The following SH3BGRL2 variants were observed in gnomAD, a reference collection of about 807,000 sequenced individuals.
The protein encoded by SH3BGRL2 is SH3 domain-binding glutamic acid-rich-like protein 2.
SH3BGRL2 carries 21 observed loss-of-function variants against 14.8 expected under a neutral mutation model. That is an observed-to-expected ratio of 1.42 (90% CI 1.01 to 2.05). SH3BGRL2 has a LOEUF of 2.05. Among genes scored for constraint, SH3BGRL2 ranks in the 30% most tolerant of loss-of-function variants. The pLI is 0.00. For missense variants in SH3BGRL2, 147 were observed against 130.8 expected, an observed-to-expected ratio of 1.12 and a Z score of -0.61; for synonymous variants, 50 against 47.8, an observed-to-expected ratio of 1.05 and a Z score of -0.19.
At chr6:79,661,410 G>C (rs754813206) in intron 1 of SH3BGRL2, among the ~76,000 whole-genome samples, 2 of 152,264 alleles carry the variant, frequency 1.3e-5, no homozygotes, top group Middle Eastern at 6.8e-3. Flanking sequence ...TTCAGTAGCA[G>C]GTTGTTCAGT....
At chr6:79,571,932 T>C in the SH3BGRL2 span, among the ~76,000 whole-genome samples, 1 of 152,178 alleles carries the variant, frequency 6.6e-6, no homozygotes, top group Admixed American at 6.5e-5. Flanking sequence ...TTTGGAATAA[T>C]TTTAGACTTT....
At chr6:79,639,987 C>T (rs1261201613) in intron 1 of SH3BGRL2, among the ~76,000 whole-genome samples, 1 of 152,188 alleles carries the variant, frequency 6.6e-6, no homozygotes, top group African/African-American at 2.4e-5. Flanking sequence ...GACTCTTCTA[C>T]TTCAGGTTAT....
chr6:79,584,609 A>G, the SH3BGRL2 span, among the ~76,000 whole-genome samples: 1 of 152,042 alleles, frequency 6.6e-6, no homozygotes, highest in African/African-American at 2.4e-5. Flanking sequence ...CCCAAGGCCC[A>G]TGTTCTAGGG....
At chr6:79,643,345 C>G (rs918354248) in intron 1 of SH3BGRL2, among the ~76,000 whole-genome samples, 1 of 152,042 alleles carries the variant, frequency 6.6e-6, no homozygotes, top group East Asian at 1.9e-4. Flanking sequence ...GTTGTGCTAT[C>G]GCAACAAGCA....
chr6:79,559,851 T>C, the SH3BGRL2 span, among the ~76,000 whole-genome samples: 1 of 152,220 alleles, frequency 6.6e-6, no homozygotes, highest in Non-Finnish European at 1.5e-5. Context: ...ACTACACAAA[T>C]GTAAAGCAAA....
At chr6:79,681,561 T>C (rs1319997827) in intron 2 of SH3BGRL2, among the ~76,000 whole-genome samples, 4 of 152,116 alleles carry the variant, frequency 2.6e-5, no homozygotes, top group Admixed American at 6.6e-5. Flanking sequence ...TTATGGTGTC[T>C]CCTCTCCTCT....
intron 2 of SH3BGRL2, among the ~76,000 whole-genome samples, chr6:79,684,955 G>A (rs1483454016): frequency 6.6e-6 from 1 of 152,196 alleles, no homozygotes; most frequent in African/African-American, 2.4e-5. Context: ...AGTAGAGAGG[G>A]TGTGATACAA....
At chr6:79,588,092 G>C in the SH3BGRL2 span, among the ~76,000 whole-genome samples, 1 of 152,116 alleles carries the variant, frequency 6.6e-6, no homozygotes. Flanking sequence ...AGGAGATTGA[G>C]ACCATTCTGG....
chr6:79,578,515 A>C, the SH3BGRL2 span, among the ~76,000 whole-genome samples: 1 of 152,226 alleles, frequency 6.6e-6, no homozygotes, highest in Non-Finnish European at 1.5e-5. Flanking sequence ...CAGCATCCAG[A>C]GTGGACCTCC....
rs73478210 is a variant in SH3BGRL2, at chr6:79,671,134, A to C, written c.46-2480A>C. 7.5e-3 allele frequency among the ~76,000 whole-genome samples: 1,142 copies of C among 152,178 alleles called. 20 individuals carry two copies. Among genetic ancestry groups the C allele is most frequent in the African/African-American group, 0.026 (1,093 of 41,498 alleles). ...CCAAGGGTGTTTAAGTAAAAAAAAA[A>C]CCAGGTGAGTTGAAGGTACCTTCCA... is the stretch of plus-strand genomic sequence containing the variant. On this transcript the variant is annotated intron_variant, in intron 1 of 3. Coordinates refer to ENST00000369838, the MANE Select transcript of SH3BGRL2 (RefSeq NM_031469.4).
chr6:79,652,466 G>C (rs1229427631), intron 1 of SH3BGRL2, among the ~76,000 whole-genome samples: 1 of 152,138 alleles, frequency 6.6e-6, no homozygotes, highest in Non-Finnish European at 1.5e-5. Flanking sequence ...AAGAACGACA[G>C]CAAACTGGTC....
chr6:79,556,477 T>C, the SH3BGRL2 span, among the ~76,000 whole-genome samples: 1 of 152,072 alleles, frequency 6.6e-6, no homozygotes, highest in Non-Finnish European at 1.5e-5. Context: ...CTTTTATTTC[T>C]CCAATTGTTT....
chr6:79,600,144 T>G, the SH3BGRL2 span, among the ~76,000 whole-genome samples: 3 of 152,210 alleles, frequency 2.0e-5, no homozygotes, highest in Non-Finnish European at 4.4e-5. Context: ...ACAAGCATTA[T>G]TCTATAAAAT....
At chr6:79,661,046 G>C (rs751923161) in intron 1 of SH3BGRL2, among the ~76,000 whole-genome samples, 1 of 151,798 alleles carries the variant, frequency 6.6e-6, no homozygotes, top group Admixed American at 6.6e-5. Context: ...TATTGCTAGC[G>C]GTCTATCAGT....
chr6:79,601,814 A>C, the SH3BGRL2 span, among the ~76,000 whole-genome samples: 1 of 152,186 alleles, frequency 6.6e-6, no homozygotes, highest in Admixed American at 6.5e-5. Flanking sequence ...CATTTTTACT[A>C]TGAAGGTTAT....
the SH3BGRL2 span, among the ~76,000 whole-genome samples, chr6:79,538,190 C>T: frequency 3.4e-3 from 509 of 151,806 alleles, 2 homozygotes; most frequent in African/African-American, 0.012. Flanking sequence ...TAAACTGCTC[C>T]GAGCCATCTG....
At chr6:79,681,779 T>C (rs1028922796) in intron 2 of SH3BGRL2, among the ~76,000 whole-genome samples, 2 of 152,092 alleles carry the variant, frequency 1.3e-5, no homozygotes, top group African/African-American at 4.8e-5. Flanking sequence ...CCTAATCCCA[T>C]TATTACCAGT....
At chr6:79,598,433 G>C in the SH3BGRL2 span, among the ~76,000 whole-genome samples, 2 of 152,310 alleles carry the variant, frequency 1.3e-5, no homozygotes, top group African/African-American at 4.8e-5. Flanking sequence ...CAGTAAAGAA[G>C]AAGGAAGTAC....
chr6:79,553,976 AAAAAG>A, the SH3BGRL2 span, among the ~76,000 whole-genome samples: 2,987 of 151,896 alleles, frequency 0.02, 35 homozygotes, highest in Middle Eastern at 0.034. Flanking sequence ...TCAAAAAAAA[AAAAAG>A]AAAAGAAAAG....
Sources: allele counts gnomAD v4.1 joint callset (sites outside exome capture counted in the v4.1 genomes callset), GRCh38; gene constraint gnomAD v4.1.1; transcripts MANE v1.5; gene names NCBI Gene and HGNC (gene_info 2026-07-23, HGNC 2026-07-21).